The following BTBD9 variants were observed in gnomAD, a reference collection of about 807,000 sequenced individuals.
BTBD9 encodes BTB/POZ domain-containing protein 9.
A neutral mutation model predicts 64.3 loss-of-function variants in BTBD9; 49 were observed. The observed-to-expected ratio is 0.76, with a 90% CI of 0.61 to 0.97. The LOEUF is 0.97. BTBD9 is among the 50% of genes least tolerant of loss of function. The pLI is 0.00. For synonymous variants in BTBD9, 260 were observed against 274.7 expected (o/e 0.95, Z 0.53); for missense variants, 598 against 762.1 (o/e 0.78, Z 2.53).
At chr6:38,475,309 T>A (rs923796226) in intron 6 of BTBD9, among the ~76,000 whole-genome samples, 5 of 152,224 alleles carry the variant, frequency 3.3e-5, no homozygotes, top group Non-Finnish European at 5.9e-5. Flanking sequence ...TCTCAGAAAA[T>A]CTCCTAGTAA....
chr6:38,339,702 T>C (rs920311692), intron 7 of BTBD9, among the ~76,000 whole-genome samples: 27 of 152,302 alleles, frequency 1.8e-4, no homozygotes, highest in Admixed American at 1.5e-3. Context: ...AATAGAAGCT[T>C]CATTTCTCTG....
At chr6:38,511,340 CTTTTTTTT>C (rs34407005) in intron 6 of BTBD9, among the ~76,000 whole-genome samples, 1 of 107,486 alleles carries the variant, frequency 9.3e-6, no homozygotes, top group Non-Finnish European at 2.0e-5. Context: ...TTGGAAATGC[CTTTTTTTT>C]TTTTTTTTTT....
At position 38,425,823 on chromosome 6, in the gene BTBD9, G is replaced by A. The variant is rs1768117801; in HGVS notation, c.1155-80730C>T. Among the ~76,000 whole-genome samples the A allele has an allele frequency of 1.3e-5, 2 of 150,372 alleles. 1 individual carries two copies. ...TCTCAGCTACTCAGGAGGTGAAGGT[G>A]GGAGGATTGCTTCAGCCTGGGAGGT... On this transcript the variant is annotated intron_variant, in intron 6 of 10. Transcript: ENST00000481247.
intron 7 of BTBD9, among the ~76,000 whole-genome samples, chr6:38,290,137 G>C (rs896417309): frequency 1.3e-5 from 2 of 149,828 alleles, no homozygotes; most frequent in Non-Finnish European, 3.0e-5. Flanking sequence ...CTGTAGCTGA[G>C]TAAAGCCACC....
chr6:38,258,100 C>T (rs1209341057), intron 8 of BTBD9, among the ~76,000 whole-genome samples: 2 of 151,962 alleles, frequency 1.3e-5, no homozygotes, highest in East Asian at 1.9e-4. Flanking sequence ...ATTCTCCTGC[C>T]TCACCCTCCC....
chr6:38,423,554 T>G (rs751470050), intron 6 of BTBD9, among the ~76,000 whole-genome samples: 1 of 152,138 alleles, frequency 6.6e-6, no homozygotes, highest in Non-Finnish European at 1.5e-5. Flanking sequence ...ATCCTCTGCC[T>G]CGGGCTCCCA....
intron 9 of BTBD9, among the ~76,000 whole-genome samples, chr6:38,240,019 G>A (rs1192362001): frequency 1.3e-5 from 2 of 152,178 alleles, no homozygotes; most frequent in Non-Finnish European, 2.9e-5. Flanking sequence ...AATACAAAAG[G>A]TAACAAAGGA....
At chr6:38,441,297 C>T (rs987907679) in intron 6 of BTBD9, among the ~76,000 whole-genome samples, 1 of 152,084 alleles carries the variant, frequency 6.6e-6, no homozygotes, top group Non-Finnish European at 1.5e-5. Flanking sequence ...CTAGTCCCTC[C>T]CCATTTGTTT....
chr6:38,315,184 G>A (rs1006908973), intron 7 of BTBD9, among the ~76,000 whole-genome samples: 3 of 152,160 alleles, frequency 2.0e-5, no homozygotes, highest in African/African-American at 7.2e-5. Context: ...GTTTTTCTAA[G>A]TTAGACTGGC....
At chr6:38,291,776 T>C (rs1360398421) in intron 7 of BTBD9, among the ~76,000 whole-genome samples, 2 of 152,170 alleles carry the variant, frequency 1.3e-5, no homozygotes, top group Non-Finnish European at 2.9e-5. Flanking sequence ...ACTGGTTCTG[T>C]TTATGTGATG....
chr6:38,278,250 C>G (rs1761359944), intron 8 of BTBD9, among the ~76,000 whole-genome samples: 1 of 152,156 alleles, frequency 6.6e-6, no homozygotes, highest in Non-Finnish European at 1.5e-5. Context: ...CCAATATGGG[C>G]AGCCATGCCC....
chr6:38,204,339 T>C (rs1465453454), intron 9 of BTBD9, among the ~76,000 whole-genome samples: 2 of 152,202 alleles, frequency 1.3e-5, no homozygotes, highest in African/African-American at 4.8e-5. Flanking sequence ...AACTGATGAA[T>C]GGATAGATAA....
At chr6:38,509,460 C>CCTT (rs1772683799) in intron 6 of BTBD9, among the ~76,000 whole-genome samples, 1 of 152,106 alleles carries the variant, frequency 6.6e-6, no homozygotes, top group South Asian at 2.1e-4. Context: ...GCCTTCTTGA[C>CCTT]CTTATAAATA....
chr6:38,291,441 C>G (rs187655249), intron 7 of BTBD9, among the ~76,000 whole-genome samples: 216 of 152,304 alleles, frequency 1.4e-3, no homozygotes, highest in African/African-American at 4.9e-3. Flanking sequence ...CATCTGCAAA[C>G]AGAGACAATT....
At chr6:38,179,269 C>T in intron 10 of BTBD9, 2 of 353,174 alleles carry the variant, frequency 5.7e-6, no homozygotes, top group South Asian at 4.3e-5. Flanking sequence ...GACAACAAAC[C>T]TTTAAACCTT....
intron 6 of BTBD9, among the ~76,000 whole-genome samples, chr6:38,482,762 T>G (rs142212770): frequency 2.0e-4 from 31 of 152,156 alleles, no homozygotes; most frequent in East Asian, 1.4e-3. Flanking sequence ...AGAATATATA[T>G]AGCACAAATA....
At chr6:38,354,871 A>T (rs1272162761) in intron 6 of BTBD9, among the ~76,000 whole-genome samples, 2 of 152,146 alleles carry the variant, frequency 1.3e-5, no homozygotes, top group Non-Finnish European at 1.5e-5. Context: ...TCACCACAGC[A>T]CAGAAATGCA....
chr6:38,471,532 T>C (rs1429122284), intron 6 of BTBD9, among the ~76,000 whole-genome samples: 1 of 152,040 alleles, frequency 6.6e-6, no homozygotes, highest in Non-Finnish European at 1.5e-5. Context: ...TGACTTGTAC[T>C]GACTAAAGGT....
chr6:38,303,859 A>G (rs1304959897), intron 7 of BTBD9, among the ~76,000 whole-genome samples: 1 of 122,530 alleles, frequency 8.2e-6, no homozygotes, highest in Non-Finnish European at 1.7e-5. Context: ...ATATATATAT[A>G]TATATATATA....
Sources: gnomAD v4.1 joint callset for allele counts (sites outside exome capture counted in the v4.1 genomes callset) on GRCh38, gnomAD v4.1.1 for gene constraint, MANE v1.5 for transcripts, NCBI Gene and HGNC (gene_info 2026-07-23, HGNC 2026-07-21) for gene names.